The following CCDC178 variants were observed in gnomAD, a reference collection of about 807,000 sequenced individuals.
The protein encoded by CCDC178 is coiled-coil domain containing 178.
In CCDC178, 126 loss-of-function variants were observed where a neutral mutation model predicts 117.4. The observed-to-expected ratio is 1.07, with a 90% CI of 0.93 to 1.24. The LOEUF (loss-of-function observed/expected upper bound fraction) is 1.24, where lower values mean the gene tolerates loss of function less well. Ranked by LOEUF, CCDC178 falls within the 50% of genes most tolerant of loss-of-function variation. CCDC178 has a pLI of 0.00. For missense variants in CCDC178, 1,030 were observed against 986.9 expected, an observed-to-expected ratio of 1.04 and a Z score of -0.59; for synonymous variants, 283 against 313.4, an observed-to-expected ratio of 0.90 and a Z score of 1.02.
intron 21 of CCDC178, among the ~76,000 whole-genome samples, chr18:33,083,277 T>C (rs72943304): frequency 0.02 from 3,013 of 152,292 alleles, 39 homozygotes; most frequent in Non-Finnish European, 0.032. Flanking sequence ...CATGCTACAC[T>C]GTTCTGCCCA....
At position 33,014,510 on chromosome 18, in the gene CCDC178, T is replaced by C. The variant is rs539917388; in HGVS notation, c.2389-39829A>G. Among the ~76,000 whole-genome samples the C allele has an allele frequency of 9.8e-5, 15 of 152,358 alleles. No homozygotes were observed. The South Asian group carries it at 3.1e-3, about 32-fold the overall frequency. ...TAGCAATCTAAAAGGCACACCTATG[T>C]GTAGGGCAGTTTACATTCTCAGAAA... is the stretch of plus-strand genomic sequence containing the variant. On this transcript the variant is annotated intron_variant, in intron 21 of 22. Coordinates refer to ENST00000383096, the MANE Select transcript of CCDC178 (RefSeq NM_001105528.4).
intron 21 of CCDC178, among the ~76,000 whole-genome samples, chr18:33,037,117 G>C (rs1016972581): frequency 2.0e-5 from 3 of 151,790 alleles, no homozygotes; most frequent in African/African-American, 7.3e-5. Context: ...TATAAGCATC[G>C]ACTACTAGAG....
Position 33,355,427 on chromosome 18 carries a change from G to C in CCDC178, c.371+897C>G, listed in dbSNP as rs563575977. ...AGAAAAACAATACTCTCCAATCTTGGCAGATTTGGTCTGTGTTAGGGTAAT... is the reference window on the plus strand; with the variant it reads ...AGAAAAACAATACTCTCCAATCTTGCCAGATTTGGTCTGTGTTAGGGTAAT... On this transcript the variant is annotated intron_variant, in intron 7 of 22. Coordinates refer to ENST00000383096, the MANE Select transcript of CCDC178 (RefSeq NM_001105528.4). Among the ~76,000 whole-genome samples, 18 of 152,302 alleles carry C rather than the reference G, an allele frequency of 1.2e-4. 1 individual carries two copies. The highest frequency in any genetic ancestry group is 5.9e-4 in the Admixed American group (9 of 15,290).
chr18:33,071,721 T>C (rs111983605), intron 21 of CCDC178, among the ~76,000 whole-genome samples: 4 of 152,276 alleles, frequency 2.6e-5, no homozygotes, highest in South Asian at 2.1e-4. Context: ...CACAACGTGC[T>C]TGAATGTTCA....
chr18:33,175,964 T>C (rs1042253682), intron 20 of CCDC178, among the ~76,000 whole-genome samples: 15 of 151,686 alleles, frequency 9.9e-5, no homozygotes, highest in Admixed American at 9.9e-4. Flanking sequence ...TTCCTACTGA[T>C]TTTTTTTTCT....
At chr18:33,003,907 C>A (rs2055695514) in intron 21 of CCDC178, among the ~76,000 whole-genome samples, 1 of 151,850 alleles carries the variant, frequency 6.6e-6, no homozygotes, top group African/African-American at 2.4e-5. Context: ...GAAAAGAAAT[C>A]AAGAAAGTAA....
intron 15 of CCDC178, among the ~76,000 whole-genome samples, chr18:33,244,411 T>C (rs1568083287): frequency 6.6e-6 from 1 of 151,858 alleles, no homozygotes; most frequent in Non-Finnish European, 1.5e-5. Flanking sequence ...ACACTTTGAA[T>C]TGTAATAATC....
At chr18:33,151,139 T>C (rs1402709018) in intron 20 of CCDC178, among the ~76,000 whole-genome samples, 1 of 152,160 alleles carries the variant, frequency 6.6e-6, no homozygotes, top group African/African-American at 2.4e-5. Context: ...TTGAGTACAG[T>C]GTACACTGCT....
At chr18:33,103,146 G>C (rs1032685231) in intron 20 of CCDC178, among the ~76,000 whole-genome samples, 1 of 151,704 alleles carries the variant, frequency 6.6e-6, no homozygotes, top group South Asian at 2.1e-4. Flanking sequence ...CTTCCACATT[G>C]CTGGGGAGGC....
intron 20 of CCDC178, among the ~76,000 whole-genome samples, chr18:33,113,336 A>G (rs1379968852): frequency 6.6e-6 from 1 of 151,996 alleles, no homozygotes; most frequent in African/African-American, 2.4e-5. Flanking sequence ...CTTTTGTTGG[A>G]CTTTATTTAT....
chr18:33,155,844 A>G (rs989889945), intron 20 of CCDC178, among the ~76,000 whole-genome samples: 2 of 152,146 alleles, frequency 1.3e-5, no homozygotes, highest in Non-Finnish European at 2.9e-5. Context: ...ATAAAGTCCT[A>G]CATTACTGGG....
At chr18:33,307,757 T>C (rs1339812075) in intron 11 of CCDC178, among the ~76,000 whole-genome samples, 1 of 152,180 alleles carries the variant, frequency 6.6e-6, no homozygotes, top group Non-Finnish European at 1.5e-5. Flanking sequence ...TCCCAGCTGC[T>C]TCAGCTCTAG....
intron 15 of CCDC178, among the ~76,000 whole-genome samples, chr18:33,238,823 C>T (rs1420761990): frequency 2.0e-5 from 3 of 152,062 alleles, no homozygotes; most frequent in South Asian, 2.1e-4. Flanking sequence ...CTGTCATAGG[C>T]ACATTGTAGT....
chr18:33,178,113 A>C (rs1438402452), intron 20 of CCDC178, among the ~76,000 whole-genome samples: 1 of 152,052 alleles, frequency 6.6e-6, no homozygotes, highest in Non-Finnish European at 1.5e-5. Context: ...AACATCTTAC[A>C]TCTCTGCTTA....
intron 9 of CCDC178, among the ~76,000 whole-genome samples, chr18:33,334,435 A>G (rs2062712573): frequency 1.3e-5 from 2 of 152,190 alleles, no homozygotes; most frequent in South Asian, 4.1e-4. Flanking sequence ...TTAAATCCCA[A>G]TGAACAGAGA....
At chr18:33,331,659 T>C (rs1037870598) in intron 10 of CCDC178, among the ~76,000 whole-genome samples, 6 of 152,242 alleles carry the variant, frequency 3.9e-5, no homozygotes, top group African/African-American at 1.4e-4. Flanking sequence ...TCTTCCAACC[T>C]GACACATTGT....
intron 12 of CCDC178, among the ~76,000 whole-genome samples, chr18:33,286,621 T>C (rs938199107): frequency 1.3e-5 from 2 of 152,216 alleles, no homozygotes; most frequent in Admixed American, 1.3e-4. Context: ...AATATGTTAG[T>C]AATGTAAATT....
At chr18:33,168,196 C>T (rs1251372862) in intron 20 of CCDC178, among the ~76,000 whole-genome samples, 3 of 152,090 alleles carry the variant, frequency 2.0e-5, no homozygotes. Context: ...AGGTTATCTT[C>T]CAGGGTTTTT....
At chr18:33,280,953 T>A (rs1198215581) in intron 12 of CCDC178, among the ~76,000 whole-genome samples, 1 of 151,964 alleles carries the variant, frequency 6.6e-6, no homozygotes, top group Non-Finnish European at 1.5e-5. Context: ...GGGACTGTTG[T>A]GGGGTGGGGC....
Sources: gnomAD v4.1 joint callset for allele counts (sites outside exome capture counted in the v4.1 genomes callset) on GRCh38, gnomAD v4.1.1 for gene constraint, MANE v1.5 for transcripts, NCBI Gene and HGNC (gene_info 2026-07-23, HGNC 2026-07-21) for gene names.